The following UBA6 variants were observed in gnomAD, a reference collection of about 807,000 sequenced individuals.
The protein encoded by UBA6 is ubiquitin-like modifier-activating enzyme 6.
A neutral mutation model predicts 148.3 loss-of-function variants in UBA6; 87 were observed. That is an observed-to-expected ratio of 0.59 (90% confidence interval 0.49 to 0.70). The LOEUF (loss-of-function observed/expected upper bound fraction) is 0.70. Ranked by LOEUF, UBA6 falls within the 30% of genes least tolerant of loss-of-function variation. The pLI is 0.00. For missense variants in UBA6, 1,186 were observed against 1,241.2 expected (o/e 0.96, Z 0.67); for synonymous variants, 376 against 401.0 (o/e 0.94, Z 0.75).
chr4:67,646,550 T>A (rs796372118), intron 15 of UBA6, among the ~76,000 whole-genome samples, 174 bp downstream of exon 15: 42 of 152,286 alleles, frequency 2.8e-4, no homozygotes, highest in African/African-American at 9.6e-4. Context: ...TCACTATTTA[T>A]CAAGTAGTAA....
At chr4:67,656,240 G>A (rs1729688926) in intron 13 of UBA6, among the ~76,000 whole-genome samples, 3 of 152,238 alleles carry the variant, frequency 2.0e-5, no homozygotes, top group Admixed American at 2.0e-4. Flanking sequence ...ACAAAAAAAG[G>A]GAATTTTAGG....
intron 4 of UBA6, among the ~76,000 whole-genome samples, chr4:67,681,070 G>A (rs2109949824): frequency 6.6e-6 from 1 of 152,174 alleles, no homozygotes; most frequent in Admixed American, 6.5e-5. Flanking sequence ...AGTCATGCCC[G>A]AATCCTGACT....
intron 2 of UBA6, among the ~76,000 whole-genome samples, chr4:67,687,081 G>A (rs1259232134): frequency 1.5e-5 from 2 of 137,710 alleles, no homozygotes; most frequent in African/African-American, 2.8e-5. Flanking sequence ...TGTCGCCCAG[G>A]CTGGACTGCA....
intron 13 of UBA6, among the ~76,000 whole-genome samples, chr4:67,652,631 G>T (rs532896582): frequency 6.6e-6 from 1 of 152,186 alleles, no homozygotes; most frequent in Middle Eastern, 3.2e-3. Flanking sequence ...GGTGATTTCA[G>T]CATTTCCAAC....
At chr4:67,656,607 TGGAAAACTGGTACAAGACAA>T (rs1729703258) in intron 13 of UBA6, among the ~76,000 whole-genome samples, 3 of 152,324 alleles carry the variant, frequency 2.0e-5, no homozygotes, top group Admixed American at 2.0e-4. Flanking sequence ...AGCATTCCCT[TGGAAAACTGGTACAAGACAA>T]GGATGCCCTC....
chr4:67,651,926 C>A (rs192405901), intron 13 of UBA6, among the ~76,000 whole-genome samples: 17 of 152,236 alleles, frequency 1.1e-4, no homozygotes, highest in African/African-American at 3.1e-4. Context: ...TATATAAAGA[C>A]AAACTCATAA....
intron 29 of UBA6, 25 bp downstream of exon 29, chr4:67,624,969 T>C (rs761668936): frequency 6.4e-7 from 1 of 1,554,184 alleles, no homozygotes; most frequent in Non-Finnish European, 8.8e-7. Context: ...AAGGAGCATT[T>C]TTATTCAAGG....
chr4:67,651,174 A>G (rs1729545936), intron 13 of UBA6, among the ~76,000 whole-genome samples: 1 of 152,170 alleles, frequency 6.6e-6, no homozygotes, highest in African/African-American at 2.4e-5. Context: ...ACAACTAACC[A>G]AAAGTCAGAG....
At chr4:67,644,535 A>T (rs754468332) in intron 17 of UBA6, among the ~76,000 whole-genome samples, 163 bp downstream of exon 17, 2 of 152,198 alleles carry the variant, frequency 1.3e-5, no homozygotes, top group African/African-American at 2.4e-5. Flanking sequence ...ACAAGGTAAC[A>T]TAAGTTTTGA....
At chr4:67,697,660 C>G (rs1730872513) in intron 1 of UBA6, among the ~76,000 whole-genome samples, 1 of 152,140 alleles carries the variant, frequency 6.6e-6, no homozygotes, top group Non-Finnish European at 1.5e-5. Context: ...AAATCATTCC[C>G]CAGTTTTCTC....
At chr4:67,641,302 T>G in intron 17 of UBA6, 74 bp from the exon 18 acceptor site, 2 of 907,782 alleles carry the variant, frequency 2.2e-6, no homozygotes, top group Non-Finnish European at 3.4e-6. Context: ...TCAGTATGAC[T>G]AAAAAAGTCC....
intron 32 of UBA6, among the ~76,000 whole-genome samples, chr4:67,621,094 A>C (rs921965609): frequency 4.6e-5 from 7 of 152,224 alleles, no homozygotes; most frequent in African/African-American, 1.7e-4. Context: ...TTTAAACTCC[A>C]CTAGTCAATA....
At chr4:67,620,030 C>T (rs926245304) in intron 32 of UBA6, among the ~76,000 whole-genome samples, 1 of 152,140 alleles carries the variant, frequency 6.6e-6, no homozygotes, top group Non-Finnish European at 1.5e-5. Context: ...TGAACTATAT[C>T]GATTTAATCC....
chr4:67,633,896 T>C (rs527364994), intron 22 of UBA6, among the ~76,000 whole-genome samples: 1 of 152,222 alleles, frequency 6.6e-6, no homozygotes, highest in South Asian at 2.1e-4. Flanking sequence ...TGTTCCCTCA[T>C]GAAATTTTAA....
chr4:67,661,595 G>A (rs576601985), intron 13 of UBA6: 1 of 152,316 alleles, frequency 6.6e-6, no homozygotes, highest in Non-Finnish European at 1.5e-5. Flanking sequence ...AGCAGTGTGA[G>A]AATGGACTAA....
At chr4:67,687,099 G>C (rs11938893) in intron 2 of UBA6, among the ~76,000 whole-genome samples, 31,834 of 142,354 alleles carry the variant, frequency 0.22, 3,777 homozygotes, top group Middle Eastern at 0.31. Flanking sequence ...GCAGTGGTGC[G>C]ATCTTGGCTC....
chr4:67,633,543 G>A, intron 22 of UBA6, 70 bp from the exon 23 acceptor site: 1 of 1,376,524 alleles, frequency 7.3e-7, no homozygotes, highest in Middle Eastern at 1.9e-4. Flanking sequence ...CTCACCAAAA[G>A]TTAGCCTAAG....
At chr4:67,648,444 G>C (rs1200933112) in intron 14 of UBA6, among the ~76,000 whole-genome samples, 2 of 149,336 alleles carry the variant, frequency 1.3e-5, no homozygotes, top group Non-Finnish European at 3.0e-5. Flanking sequence ...CTCCAGCCTG[G>C]GTAACAGTGT....
chr4:67,622,562 T>C (rs1728774683), intron 32 of UBA6, among the ~76,000 whole-genome samples: 1 of 152,198 alleles, frequency 6.6e-6, no homozygotes, highest in African/African-American at 2.4e-5. Flanking sequence ...ATAAGCCTGG[T>C]CATTAAGTGT....
Sources: gnomAD v4.1 joint callset for allele counts (sites outside exome capture counted in the v4.1 genomes callset) on GRCh38, gnomAD v4.1.1 for gene constraint, MANE v1.5 for transcripts, NCBI Gene and HGNC (gene_info 2026-07-23, HGNC 2026-07-21) for gene names.